POLR3C: variants seen among roughly 807,000 people sequenced by gnomAD.
The protein encoded by POLR3C is DNA-directed RNA polymerase III subunit RPC3.
Under a neutral mutation model 65.9 loss-of-function variants are expected in POLR3C, and 44 were observed. That is an observed-to-expected ratio of 0.67 (90% CI 0.52 to 0.86). POLR3C has a LOEUF of 0.86. Among genes scored for constraint, POLR3C ranks in the 40% least tolerant of loss-of-function variants. The pLI, the probability that POLR3C is intolerant of heterozygous loss-of-function variation, is 0.00. For missense variants in POLR3C, 576 were observed against 653.2 expected (o/e 0.88, Z 1.29); for synonymous variants, 263 against 231.6 (o/e 1.14, Z -1.23).
chr1:145,831,528 A>AG (rs1380235713), intron 5 of POLR3C, among the ~76,000 whole-genome samples: 1 of 152,002 alleles, frequency 6.6e-6, no homozygotes, highest in Non-Finnish European at 1.5e-5. Context: ...AAAAAAAAAA[A>AG]AAAGAGAGAG....
At position 145,824,389 on chromosome 1, in the gene POLR3C, T is replaced by A. The variant is rs1650515871; in HGVS notation, c.-21+20T>A. ...CCTGAGGTTAGTGGAAAATGCTGTCTGAACGTGGCGGCACTGACTGGACCA... is the reference window on the plus strand; with the variant it reads ...CCTGAGGTTAGTGGAAAATGCTGTCAGAACGTGGCGGCACTGACTGGACCA... On this transcript the variant is annotated intron_variant, in intron 1 of 14. Coordinates refer to ENST00000334163, the MANE Select transcript of POLR3C (RefSeq NM_006468.8). 6.8e-6 allele frequency: 3 copies of A among 441,142 alleles called. No individual in the cohort carries two copies. The highest frequency in any genetic ancestry group is 1.3e-5 in the Non-Finnish European group (3 of 228,032). The allele number at this position is 441,142 out of a possible 1,614,324, so 27.3% of individuals were successfully genotyped here.
chr1:145,828,961 T>G, intron 5 of POLR3C, 124 bp downstream of exon 5: 1 of 637,518 alleles, frequency 1.6e-6, no homozygotes, highest in East Asian at 2.6e-5. Context: ...TGAACCTCAT[T>G]AAATATTAGG....
intron 10 of POLR3C, 146 bp downstream of exon 10, chr1:145,837,742 A>G: frequency 1.4e-6 from 1 of 718,124 alleles, no homozygotes; most frequent in South Asian, 1.6e-5. Flanking sequence ...CTCATGTAAT[A>G]CTGCTCTTTA....
chr1:145,832,753 G>A (rs587720775), intron 5 of POLR3C, among the ~76,000 whole-genome samples: 3 of 152,288 alleles, frequency 2.0e-5, no homozygotes, highest in African/African-American at 7.2e-5. Context: ...GCCGGATGTG[G>A]TGGCTCACAC....
Position 145,842,435 on chromosome 1 carries a change from C to A in POLR3C, c.*15C>A, listed in dbSNP as rs781879808. On this transcript the variant is annotated 3_prime_UTR_variant, in exon 15 of 15. Coordinates refer to ENST00000334163, the MANE Select transcript of POLR3C (RefSeq NM_006468.8). ...AGAGACAGTGATCCAGAAGAAGCATCTTCCTCAGAAGATCTGGGGGGATGG... is the reference window on the plus strand; with the variant it reads ...AGAGACAGTGATCCAGAAGAAGCATATTCCTCAGAAGATCTGGGGGGATGG... 1.3e-6 allele frequency: 2 copies of A among 1,546,718 alleles called. No homozygotes were observed. Among genetic ancestry groups the A allele is most frequent in the East Asian group, 2.2e-5 (1 of 44,576 alleles).
chr1:145,827,389 G>A (rs1290950984), intron 4 of POLR3C, among the ~76,000 whole-genome samples: 1 of 152,188 alleles, frequency 6.6e-6, no homozygotes, highest in Non-Finnish European at 1.5e-5. Context: ...GACTGAGGCA[G>A]GCGAATTGCA....
At chr1:145,838,598 ACT>A (rs1177866332) in intron 11 of POLR3C, among the ~76,000 whole-genome samples, 2 of 151,624 alleles carry the variant, frequency 1.3e-5, no homozygotes, top group Non-Finnish European at 2.9e-5. Context: ...CAGGAAGGAG[ACT>A]CTCTTGAACC....
intron 4 of POLR3C, among the ~76,000 whole-genome samples, chr1:145,827,705 G>T (rs1553726191): frequency 6.7e-6 from 1 of 149,432 alleles, no homozygotes; most frequent in African/African-American, 2.5e-5. Context: ...GTTGCAGTGA[G>T]CCGAGATCGT....
At chr1:145,826,005 C>A in intron 2 of POLR3C, 82 bp downstream of exon 2, 1 of 1,164,118 alleles carries the variant, frequency 8.6e-7, no homozygotes, top group Admixed American at 2.1e-5. Flanking sequence ...CTTCTCACCC[C>A]AGAAAAGGAA....
Position 145,833,360 on chromosome 1 carries a change from AC to A in POLR3C, c.781del (p.Gln261ArgfsTer13). 1 of 1,597,390 alleles carries A rather than the reference AC, an allele frequency of 6.3e-7. No individual in the cohort carries two copies. Among genetic ancestry groups the A allele is most frequent in the Non-Finnish European group, 8.6e-7 (1 of 1,164,910 alleles). On this transcript the variant is annotated frameshift_variant, in exon 6 of 15. Coordinates refer to ENST00000334163, the MANE Select transcript of POLR3C (RefSeq NM_006468.8). LOFTEE classifies it high-confidence loss of function. The stretch of plus-strand genomic sequence containing the variant: ...GTGAGCGCAGTTGCTAACAGGATGG[AC>A]CAGGTAATACCTAAGTGGGTCTGTC... ...AIVSAVANRM[D>X]QTSSEIVRTM...
chr1:145,838,938 G>A (rs781794865), intron 11 of POLR3C, among the ~76,000 whole-genome samples: 9 of 152,186 alleles, frequency 5.9e-5, no homozygotes, highest in Non-Finnish European at 7.4e-5. Flanking sequence ...AAGTTACCAC[G>A]TTTCCCATCT....
At chr1:145,835,186 C>T (rs1301242790) in intron 7 of POLR3C, among the ~76,000 whole-genome samples, 1 of 148,904 alleles carries the variant, frequency 6.7e-6, no homozygotes, top group East Asian at 2.0e-4. Flanking sequence ...CAGCAGCTCA[C>T]ACCCGTAATC....
chr1:145,837,193 G>C (rs1425083367), intron 9 of POLR3C, among the ~76,000 whole-genome samples: 2 of 152,070 alleles, frequency 1.3e-5, no homozygotes, highest in African/African-American at 4.8e-5. Context: ...TTGTAGTCCA[G>C]CTCCTCAGGA....
chr1:145,840,006 A>AC lies in POLR3C; in HGVS notation c.1323+17dup, dbSNP rs781893213. The AC allele has an allele frequency of 7.0e-6, 11 of 1,565,878 alleles. No individual in the cohort carries two copies. Among genetic ancestry groups the AC allele is most frequent in the Non-Finnish European group, 8.8e-6 (10 of 1,136,090 alleles). The stretch of plus-strand genomic sequence containing the variant: ...GGTGCTACAAGGTAACTCAATCTGG[A>AC]CCTTCTCCCCATTTCCTCCATACGG... On this transcript the variant is annotated intron_variant, in intron 12 of 14. Transcript: ENST00000334163.
intron 4 of POLR3C, 39 bp downstream of exon 4, chr1:145,827,044 A>T (rs184324590): frequency 6.6e-4 from 946 of 1,422,672 alleles, no homozygotes; most frequent in Non-Finnish European, 8.4e-4. Context: ...ACTTGCCTTA[A>T]TTGTGGATTC....
intron 4 of POLR3C, among the ~76,000 whole-genome samples, chr1:145,827,758 C>CA (rs1163679762): frequency 5.7e-3 from 331 of 58,440 alleles, no homozygotes; most frequent in Middle Eastern, 0.036. Flanking sequence ...GACTCCGTCT[C>CA]AAAAAAAAAA....
At chr1:145,837,495 G>C in intron 9 of POLR3C, 41 bp from the exon 10 acceptor site, 1 of 1,092,726 alleles carries the variant, frequency 9.2e-7, no homozygotes, top group Non-Finnish European at 1.3e-6. Flanking sequence ...ACAATAACTA[G>C]GCCAAAACAT....
intron 1 of POLR3C, 124 bp from the exon 2 acceptor site, chr1:145,825,633 T>G (rs1650667261): frequency 1.9e-6 from 1 of 532,868 alleles, no homozygotes; most frequent in Non-Finnish European, 3.2e-6. Context: ...ATGCAAGATT[T>G]TTAAGGCTTT....
chr1:145,837,671 C>A, intron 10 of POLR3C, 75 bp downstream of exon 10: 1 of 968,436 alleles, frequency 1.0e-6, no homozygotes, highest in Non-Finnish European at 1.7e-6. Context: ...ATTATGTAAG[C>A]CACCAATATA....
Sources: allele counts gnomAD v4.1 joint callset (sites outside exome capture counted in the v4.1 genomes callset), GRCh38; gene constraint gnomAD v4.1.1; transcripts MANE v1.5; gene names NCBI Gene and HGNC (gene_info 2026-07-23, HGNC 2026-07-21).